Variants in NRG1 observed in about 807,000 individuals in gnomAD.
NRG1 encodes the protein pro-neuregulin-1, membrane-bound isoform.
A neutral mutation model predicts 63.8 loss-of-function variants in NRG1; 18 were observed. The observed-to-expected ratio is 0.28, with a 90% confidence interval of 0.19 to 0.42. The LOEUF (loss-of-function observed/expected upper bound fraction) is 0.42. NRG1 is among the 10% of genes least tolerant of loss of function. The pLI is 1.00. For synonymous variants in NRG1, 302 were observed against 301.3 expected, an observed-to-expected ratio of 1.00 and a Z score of -0.02; for missense variants, 762 against 814.7, an observed-to-expected ratio of 0.94 and a Z score of 0.79.
chr8:32,424,901 A>AC (rs1397081897), intron 1 of NRG1, among the ~76,000 whole-genome samples: 12 of 152,168 alleles, frequency 7.9e-5, no homozygotes, highest in Admixed American at 7.9e-4. Context: ...ACAAACAAAA[A>AC]AACAAAAAAA....
At chr8:32,044,611 G>T (rs889413356) in intron 1 of NRG1, among the ~76,000 whole-genome samples, 1 of 151,614 alleles carries the variant, frequency 6.6e-6, no homozygotes, top group Non-Finnish European at 1.5e-5. Context: ...CACAAAATAT[G>T]TTTTTTGTCC....
intron 1 of NRG1, among the ~76,000 whole-genome samples, chr8:31,919,891 T>C (rs944636404): frequency 6.6e-5 from 10 of 152,092 alleles, no homozygotes; most frequent in Non-Finnish European, 1.3e-4. Context: ...AAAAAAACAT[T>C]TAATGTGATT....
At chr8:32,725,076 CTA>C (rs1485571481) in intron 5 of NRG1, among the ~76,000 whole-genome samples, 8 of 152,022 alleles carry the variant, frequency 5.3e-5, no homozygotes, top group Non-Finnish European at 1.0e-4. Context: ...AGAGATGTGT[CTA>C]TGTGTTGCTT....
intron 1 of NRG1, among the ~76,000 whole-genome samples, chr8:32,172,070 G>C (rs1362782792): frequency 6.6e-6 from 1 of 152,132 alleles, no homozygotes; most frequent in African/African-American, 2.4e-5. Context: ...CCTGACCCCT[G>C]AGTAGCCTAA....
chr8:32,772,097 A>G (rs1459474987), downstream of NRG1, among the ~76,000 whole-genome samples: 1 of 143,258 alleles, frequency 7.0e-6, no homozygotes, highest in African/African-American at 2.6e-5. Flanking sequence ...ATAAAATCCC[A>G]CCAAAAGTCT....
At chr8:31,676,488 C>A (rs1292306101) in intron 1 of NRG1, among the ~76,000 whole-genome samples, 1 of 152,092 alleles carries the variant, frequency 6.6e-6, no homozygotes, top group Non-Finnish European at 1.5e-5. Context: ...TGGCTTAGAC[C>A]ATTTAGGTGG....
At chr8:32,677,807 C>T (rs1036634176) in intron 5 of NRG1, among the ~76,000 whole-genome samples, 2 of 152,142 alleles carry the variant, frequency 1.3e-5, no homozygotes, top group African/African-American at 4.8e-5. Context: ...ATTTATCAGC[C>T]TTTCCTTCCA....
At chr8:31,885,741 G>C (rs927742586) in intron 1 of NRG1, among the ~76,000 whole-genome samples, 1 of 152,076 alleles carries the variant, frequency 6.6e-6, no homozygotes. Flanking sequence ...AATGAAAAGA[G>C]TCTTCCTTAT....
intron 1 of NRG1, among the ~76,000 whole-genome samples, chr8:31,935,033 C>T (rs955219828): frequency 1.3e-5 from 2 of 152,102 alleles, no homozygotes; most frequent in Non-Finnish European, 2.9e-5. Context: ...TGACTGCAGC[C>T]TCGAACTCCT....
In NRG1 at chr8:32,485,192, G is replaced by A. The variant is rs571362104; in HGVS notation, c.38-110636G>A. On this transcript the variant is annotated intron_variant, in intron 1 of 10. Transcript: ENST00000519301. ...TGTAATGGCGCAATCTTGGCTCACC[G>A]CAACCTCTGCCTCTTGGGTTCAAGC... Among the ~76,000 whole-genome samples the A allele has an allele frequency of 2.7e-5, 4 of 148,334 alleles. No individual in the cohort carries two copies. The South Asian group carries it at 6.4e-4, about 24-fold the overall frequency.
At chr8:32,690,651 C>T (rs1339484237) in intron 5 of NRG1, among the ~76,000 whole-genome samples, 1 of 151,990 alleles carries the variant, frequency 6.6e-6, no homozygotes, top group Non-Finnish European at 1.5e-5. Flanking sequence ...AAATCAGCAC[C>T]TGTAGATCTC....
intron 5 of NRG1, among the ~76,000 whole-genome samples, chr8:32,699,235 AC>A (rs142051232): frequency 0.02 from 2,986 of 152,332 alleles, 99 homozygotes; most frequent in African/African-American, 0.067. Context: ...ATAAAAACTA[AC>A]CATGCAACTT....
chr8:31,668,558 C>T (rs942613563), intron 1 of NRG1, among the ~76,000 whole-genome samples: 1 of 152,116 alleles, frequency 6.6e-6, no homozygotes, highest in Non-Finnish European at 1.5e-5. Flanking sequence ...AGTACTGTGT[C>T]CCCAAACCAA....
At chr8:32,756,842 C>T (rs938405831) in intron 9 of NRG1, among the ~76,000 whole-genome samples, 12 of 152,124 alleles carry the variant, frequency 7.9e-5, no homozygotes, top group Admixed American at 3.9e-4. Flanking sequence ...TTTAATAGTA[C>T]GATAATCAAA....
rs143877909 is a variant in NRG1, at chr8:31,789,709, C to T, written c.37+150278C>T. On this transcript the variant is annotated intron_variant, in intron 1 of 10. Transcript: ENST00000519301. ...GAAACCTCCCACCTATATGTTTTTA[C>T]GCAAAATGTCATGGCCCTTACATCC... 2.7e-3 allele frequency among the ~76,000 whole-genome samples: 411 copies of T among 152,226 alleles called. 2 individuals carry two copies. The highest frequency in any genetic ancestry group is 4.6e-3 in the Non-Finnish European group (315 of 68,016).
chr8:32,088,896 A>T (rs1204235903), intron 1 of NRG1, among the ~76,000 whole-genome samples: 1 of 152,188 alleles, frequency 6.6e-6, no homozygotes, highest in Non-Finnish European at 1.5e-5. Context: ...TTAATGCTAG[A>T]TAGTGGCTGA....
intron 5 of NRG1, among the ~76,000 whole-genome samples, chr8:32,709,524 C>T (rs1470910115): frequency 6.6e-6 from 1 of 152,062 alleles, no homozygotes; most frequent in Non-Finnish European, 1.5e-5. Context: ...GATCCTCCCA[C>T]CTCAGCCTCT....
chr8:31,649,380 A>G (rs1460957631), intron 1 of NRG1, among the ~76,000 whole-genome samples: 1 of 152,146 alleles, frequency 6.6e-6, no homozygotes. Context: ...TCCCTCACAC[A>G]TGCTATTTTC....
chr8:31,845,833 A>G (rs762936344), intron 1 of NRG1, among the ~76,000 whole-genome samples: 2 of 152,218 alleles, frequency 1.3e-5, no homozygotes, highest in African/African-American at 2.4e-5. Context: ...TTGAAGTTCT[A>G]TTCTCAGAAT....
Sources: gnomAD v4.1 joint callset for allele counts (sites outside exome capture counted in the v4.1 genomes callset) on GRCh38, gnomAD v4.1.1 for gene constraint, MANE v1.5 for transcripts, NCBI Gene and HGNC (gene_info 2026-07-23, HGNC 2026-07-21) for gene names.